RSPH14: variants seen among roughly 807,000 people sequenced by gnomAD.
The protein encoded by RSPH14 is radial spoke head 14 homolog.
In RSPH14, 20 loss-of-function variants were observed where a neutral mutation model predicts 26.7. The ratio of observed to expected loss-of-function variants is 0.75; its 90% CI spans 0.53 to 1.09. The LOEUF (loss-of-function observed/expected upper bound fraction) is 1.09. Among genes scored for constraint, RSPH14 ranks in the 50% least tolerant of loss-of-function variants. The pLI, the probability that RSPH14 is intolerant of heterozygous loss-of-function variation, is 0.00. For missense variants in RSPH14, 449 were observed against 457.2 expected, an observed-to-expected ratio of 0.98 and a Z score of 0.16; for synonymous variants, 177 against 189.3, an observed-to-expected ratio of 0.93 and a Z score of 0.53.
chr22:23,080,424 C>G (rs889175746), intron 4 of RSPH14, among the ~76,000 whole-genome samples: 1 of 152,200 alleles, frequency 6.6e-6, no homozygotes, highest in African/African-American at 2.4e-5. Context: ...GAGGCCCAGC[C>G]GGGGCATAGC....
chr22:23,131,821 C>T (rs1287843734), intron 4 of RSPH14: 2 of 436,908 alleles, frequency 4.6e-6, no homozygotes, highest in African/African-American at 4.1e-5. Context: ...GTGCAGGGCC[C>T]CACCCCCAGA....
chr22:23,076,434 G>A (rs2068509372), intron 4 of RSPH14, among the ~76,000 whole-genome samples: 4 of 152,166 alleles, frequency 2.6e-5, no homozygotes, highest in Admixed American at 2.0e-4. Context: ...CTCGTGCGCT[G>A]CAGAACCCCT....
At chr22:23,079,033 G>A (rs954342363) in intron 4 of RSPH14, among the ~76,000 whole-genome samples, 11 of 152,168 alleles carry the variant, frequency 7.2e-5, no homozygotes, top group South Asian at 2.1e-4. Context: ...CAGTCACTAC[G>A]AGGGCCTGGG....
At chr22:23,077,051 A>C (rs781193303) in intron 4 of RSPH14, among the ~76,000 whole-genome samples, 2 of 152,204 alleles carry the variant, frequency 1.3e-5, no homozygotes, top group Non-Finnish European at 2.9e-5. Context: ...AGAGGATTCT[A>C]AGGCTGTGCT....
At chr22:23,098,802 C>A (rs533941485) in intron 4 of RSPH14, among the ~76,000 whole-genome samples, 159 of 152,238 alleles carry the variant, frequency 1.0e-3, no homozygotes, top group Non-Finnish European at 1.8e-3. Context: ...CTGGGCTGGC[C>A]CCGGAGGTGA....
chr22:23,172,263 A>G, the RSPH14 span, among the ~76,000 whole-genome samples: 47,136 of 151,902 alleles, frequency 0.31, 7,627 homozygotes, highest in African/African-American at 0.39. Context: ...ATGGCTCACT[A>G]CAATCTCTGC....
chr22:23,161,643 GC>G, the RSPH14 span: 1 of 1,266,164 alleles, frequency 7.9e-7, no homozygotes, highest in Non-Finnish European at 1.1e-6. Flanking sequence ...GGAGACTGGA[GC>G]CCAAGCTCTG....
At chr22:23,121,146 TTG>T (rs1176610108) in intron 4 of RSPH14, among the ~76,000 whole-genome samples, 2 of 152,224 alleles carry the variant, frequency 1.3e-5, no homozygotes, top group African/African-American at 4.8e-5. Flanking sequence ...GGATGAGATC[TTG>T]TGTGTTGCTT....
the RSPH14 span, chr22:23,156,318 T>C: frequency 3.4e-3 from 1,138 of 332,640 alleles, 12 homozygotes; most frequent in African/African-American, 0.024. Flanking sequence ...GAAAGTGCTT[T>C]TCCAGAGGCT....
the RSPH14 span, among the ~76,000 whole-genome samples, chr22:23,176,815 C>T: frequency 6.6e-6 from 1 of 152,230 alleles, no homozygotes; most frequent in Non-Finnish European, 1.5e-5. Context: ...CAACAGACCC[C>T]AGCAAGTCAC....
chr22:23,134,635 C>T (rs899599282), intron 3 of RSPH14, among the ~76,000 whole-genome samples: 5 of 149,524 alleles, frequency 3.3e-5, no homozygotes, highest in African/African-American at 1.2e-4. Context: ...GAGACCTAGG[C>T]GGATAGATGA....
chr22:23,148,584 T>C (rs1301747512), upstream of RSPH14, among the ~76,000 whole-genome samples: 5 of 152,144 alleles, frequency 3.3e-5, no homozygotes, highest in Non-Finnish European at 7.3e-5. Context: ...CCCATAATAG[T>C]CAGGGATCAA....
At chr22:23,166,936 G>T in the RSPH14 span, among the ~76,000 whole-genome samples, 1 of 152,142 alleles carries the variant, frequency 6.6e-6, no homozygotes. Flanking sequence ...CTTTGTGCCA[G>T]CCCCGTATGC....
intron 4 of RSPH14, among the ~76,000 whole-genome samples, chr22:23,091,430 G>A (rs1460081098): frequency 1.3e-5 from 2 of 148,276 alleles, no homozygotes; most frequent in Admixed American, 6.7e-5. Context: ...GCACCACAAT[G>A]GATTTGCACA....
intron 4 of RSPH14, among the ~76,000 whole-genome samples, chr22:23,069,755 C>T (rs1258606980): frequency 6.6e-6 from 1 of 152,122 alleles, no homozygotes; most frequent in Non-Finnish European, 1.5e-5. Flanking sequence ...CCTCCCATCG[C>T]TGCACAAACC....
chr22:23,165,007 CAG>C, the RSPH14 span, among the ~76,000 whole-genome samples: 2 of 152,146 alleles, frequency 1.3e-5, no homozygotes, highest in South Asian at 2.1e-4. Flanking sequence ...CCCCTACTCC[CAG>C]AGAGGCCTCT....
At chr22:23,152,513 A>G in the RSPH14 span, 3 of 1,614,194 alleles carry the variant, frequency 1.9e-6, no homozygotes, top group Non-Finnish European at 2.5e-6. Flanking sequence ...GGGGAAGACC[A>G]GCCTCATCCA....
At chr22:23,180,600 G>GGCGGCGGCA in the RSPH14 span, 3 of 174,168 alleles carry the variant, frequency 1.7e-5, no homozygotes, top group East Asian at 1.6e-4. Flanking sequence ...GCACGGCGGC[G>GGCGGCGGCA]GCGGGGCTGT....
chr22:23,136,028 G>A (rs1176916223), intron 3 of RSPH14: 1 of 307,710 alleles, frequency 3.2e-6, no homozygotes, highest in Non-Finnish European at 5.9e-6. Flanking sequence ...CACTTATGGT[G>A]TGTTTTGAAT....
Sources: gnomAD v4.1 joint callset for allele counts (sites outside exome capture counted in the v4.1 genomes callset) on GRCh38, gnomAD v4.1.1 for gene constraint, MANE v1.5 for transcripts, NCBI Gene and HGNC (gene_info 2026-07-23, HGNC 2026-07-21) for gene names.